The following IQCM variants were observed in gnomAD, a reference collection of about 807,000 sequenced individuals.
IQCM encodes IQ motif containing M.
Under a neutral mutation model 57.6 loss-of-function variants are expected in IQCM, and 45 were observed. That is an observed-to-expected ratio of 0.78 (90% CI 0.62 to 1.00). The LOEUF (loss-of-function observed/expected upper bound fraction) is 1.00. Among genes scored for constraint, IQCM ranks in the 50% least tolerant of loss-of-function variants. The pLI is 0.00. For synonymous variants in IQCM, 148 were observed against 158.9 expected (o/e 0.93, Z 0.51); for missense variants, 468 against 511.6 (o/e 0.91, Z 0.82).
Position 149,553,293 on chromosome 4 carries a change from A to G in IQCM, c.949-6T>C, listed in dbSNP as rs946006166. ...TCTGGTCCATGATCCAAAGCCTACA[A>G]AGACAGAAAAGCTCCTTATATATTT... is the stretch of plus-strand genomic sequence containing the variant. On this transcript the variant is annotated splice_region_variant and splice_polypyrimidine_tract_variant and intron_variant, in intron 10 of 13. Transcript: ENST00000636793. The G allele has an allele frequency of 4.1e-5, 51 of 1,231,510 alleles. No homozygotes were observed. The highest frequency in any genetic ancestry group is 5.1e-5 in the Non-Finnish European group (50 of 987,508). 76.3% of individuals were successfully genotyped at this position (1,231,510 alleles called of 1,614,324 possible).
intron 13 of IQCM, among the ~76,000 whole-genome samples, chr4:149,385,011 C>G (rs1731322713): frequency 6.6e-6 from 1 of 151,918 alleles, no homozygotes; most frequent in South Asian, 2.1e-4. Context: ...CATTCCTCTA[C>G]TTGCTACATG....
At chr4:149,659,609 C>T (rs1259450211) in intron 7 of IQCM, among the ~76,000 whole-genome samples, 1 of 152,152 alleles carries the variant, frequency 6.6e-6, no homozygotes, top group Non-Finnish European at 1.5e-5. Context: ...ACCAAAACAG[C>T]ATGGTACTGG....
intron 12 of IQCM, among the ~76,000 whole-genome samples, chr4:149,499,470 T>G (rs1205909233): frequency 6.6e-6 from 1 of 152,178 alleles, no homozygotes; most frequent in Admixed American, 6.6e-5. Context: ...GGAAAGATAC[T>G]GAACCTATAT....
chr4:149,536,313 ATT>A (rs1747289823), intron 12 of IQCM, among the ~76,000 whole-genome samples: 1 of 152,020 alleles, frequency 6.6e-6, no homozygotes, highest in African/African-American at 2.4e-5. Context: ...GATCAGACGT[ATT>A]TTAGTCAGCA....
chr4:149,437,843 T>C (rs570400284), intron 12 of IQCM, among the ~76,000 whole-genome samples: 2 of 152,268 alleles, frequency 1.3e-5, no homozygotes, highest in South Asian at 2.1e-4. Context: ...TCAAAATGCA[T>C]GGGCAAGAAC....
intron 1 of IQCM, 72 bp from the exon 2 acceptor site, chr4:149,815,420 A>T (rs574303659): frequency 1.3e-5 from 2 of 151,986 alleles, no homozygotes; most frequent in African/African-American, 4.8e-5. Context: ...TCAACCATAT[A>T]TCTTATCATC....
intron 2 of IQCM, among the ~76,000 whole-genome samples, chr4:149,812,507 C>CACAG (rs1554045619): frequency 1.5e-4 from 19 of 126,776 alleles, no homozygotes; most frequent in East Asian, 7.8e-4. Flanking sequence ...CACACAGACA[C>CACAG]ACACACACAC....
intron 5 of IQCM, among the ~76,000 whole-genome samples, chr4:149,717,847 G>T (rs916193845): frequency 2.0e-5 from 3 of 152,296 alleles, no homozygotes; most frequent in African/African-American, 7.2e-5. Context: ...CTCAATAAAA[G>T]ACTTAATTAC....
At chr4:149,595,088 T>C (rs1753636144) in intron 8 of IQCM, among the ~76,000 whole-genome samples, 1 of 152,118 alleles carries the variant, frequency 6.6e-6, no homozygotes, top group South Asian at 2.1e-4. Flanking sequence ...TATGTGGGAG[T>C]CTAAGTTTCT....
At chr4:149,398,280 T>C (rs936818363) in intron 13 of IQCM, among the ~76,000 whole-genome samples, 4 of 152,040 alleles carry the variant, frequency 2.6e-5, no homozygotes, top group Non-Finnish European at 4.4e-5. Flanking sequence ...TGCTTTGTAA[T>C]ATATTTTGAA....
intron 13 of IQCM, among the ~76,000 whole-genome samples, chr4:149,386,688 T>C (rs1294259719): frequency 2.0e-5 from 3 of 152,062 alleles, no homozygotes; most frequent in African/African-American, 4.8e-5. Flanking sequence ...GGTTATGTCT[T>C]CTAAGTCTCT....
intron 12 of IQCM, among the ~76,000 whole-genome samples, chr4:149,492,162 C>G (rs1294065350): frequency 2.0e-5 from 3 of 152,032 alleles, no homozygotes; most frequent in Non-Finnish European, 4.4e-5. Context: ...AACCTCTTAT[C>G]AGATACATGG....
At chr4:149,756,896 T>C (rs965347970) in intron 2 of IQCM, among the ~76,000 whole-genome samples, 9 of 152,142 alleles carry the variant, frequency 5.9e-5, no homozygotes, top group African/African-American at 2.2e-4. Context: ...AGAATAGAAA[T>C]ATAATGTATA....
At chr4:149,766,423 G>A (rs74984521) in intron 2 of IQCM, among the ~76,000 whole-genome samples, 2,451 of 152,172 alleles carry the variant, frequency 0.016, 66 homozygotes, top group African/African-American at 0.056. Flanking sequence ...TGACCACTTG[G>A]AATTAACCAA....
chr4:149,670,940 C>CTTTTTTTTTTTTTT (rs57287015), intron 7 of IQCM, among the ~76,000 whole-genome samples: 2 of 143,374 alleles, frequency 1.4e-5, no homozygotes, highest in Non-Finnish European at 1.5e-5. Context: ...AAAATTCTCT[C>CTTTTTTTTTTTTTT]TTTTTTTTTT....
At chr4:149,563,264 A>C (rs1750300975) in intron 10 of IQCM, among the ~76,000 whole-genome samples, 1 of 152,164 alleles carries the variant, frequency 6.6e-6, no homozygotes, top group Non-Finnish European at 1.5e-5. Flanking sequence ...AGAAGAAACA[A>C]CTTTAGTGCA....
intron 2 of IQCM, among the ~76,000 whole-genome samples, chr4:149,792,876 T>C (rs1288304460): frequency 1.3e-5 from 2 of 152,136 alleles, no homozygotes; most frequent in Admixed American, 6.6e-5. Context: ...GAGGAACAAA[T>C]GCTTTAAGAA....
At chr4:149,766,743 C>T (rs574290195) in intron 2 of IQCM, among the ~76,000 whole-genome samples, 22 of 152,006 alleles carry the variant, frequency 1.4e-4, no homozygotes, top group Non-Finnish European at 2.4e-4. Context: ...TACTCCATAA[C>T]GGGAAGAATT....
intron 12 of IQCM, among the ~76,000 whole-genome samples, chr4:149,545,940 G>A (rs1240097620): frequency 1.3e-5 from 2 of 152,144 alleles, no homozygotes; most frequent in South Asian, 2.1e-4. Flanking sequence ...TTTACATTAG[G>A]TATATCTCCT....
Sources: allele counts gnomAD v4.1 joint callset (sites outside exome capture counted in the v4.1 genomes callset), GRCh38; gene constraint gnomAD v4.1.1; transcripts MANE v1.5; gene names NCBI Gene and HGNC (gene_info 2026-07-23, HGNC 2026-07-21).